The following TERB1 variants were observed in gnomAD, a reference collection of about 807,000 sequenced individuals.
The protein encoded by TERB1 is telomere repeats-binding bouquet formation protein 1.
TERB1 carries 63 observed loss-of-function variants against 92.3 expected under a neutral mutation model. That is an observed-to-expected ratio of 0.68 (90% CI 0.56 to 0.84). The LOEUF is 0.84. Ranked by LOEUF, TERB1 falls within the 40% of genes least tolerant of loss-of-function variation. The pLI is 0.00. For missense variants in TERB1, 709 were observed against 843.7 expected (o/e 0.84, Z 1.98); for synonymous variants, 252 against 283.9 (o/e 0.89, Z 1.13).
intron 16 of TERB1, among the ~76,000 whole-genome samples, chr16:66,765,461 C>CTT (rs887640658): frequency 2.1e-5 from 3 of 144,324 alleles, no homozygotes; most frequent in African/African-American, 5.1e-5. Flanking sequence ...TTCTTTCTTT[C>CTT]TTTTTTTTTT....
In TERB1 at chr16:66,781,519, C is replaced by CTTTTT. The variant is rs34191078; in HGVS notation, c.701-2509_701-2505dup. 8.3e-5 allele frequency among the ~76,000 whole-genome samples: 10 copies of CTTTTT among 121,146 alleles called. 1 individual carries two copies. Among genetic ancestry groups the CTTTTT allele is most frequent in the African/African-American group, 2.5e-4 (8 of 31,636 alleles). 79.5% of individuals were successfully genotyped at this position (121,146 alleles called of 152,430 possible). A position where few individuals can be genotyped will look rare whatever the true frequency, so the allele number is the denominator to read the frequency against. On this transcript the variant is annotated intron_variant, in intron 9 of 18. Coordinates refer to ENST00000433154, the MANE Select transcript of TERB1 (RefSeq NM_001136505.2). ...GTTTACAAGTTTCTGGGTACAAATT[C>CTTTTT]TTTTTTTTTTTTTTTTTTGAGACAG... is the stretch of plus-strand genomic sequence containing the variant.
rs761342700 is a variant in TERB1, at chr16:66,786,269, A to C, written c.417T>G (p.Leu139=). The C allele has an allele frequency of 2.6e-6, 4 of 1,549,254 alleles. No individual in the cohort carries two copies. Among genetic ancestry groups the C allele is most frequent in the Non-Finnish European group, 3.5e-6 (4 of 1,145,796 alleles). The change falls in exon 7 of 19, where the codon CTT becomes CTG. Residue 139 remains leucine, a synonymous_variant. Coordinates refer to ENST00000433154, the MANE Select transcript of TERB1 (RefSeq NM_001136505.2). ...CTGTAATACAACCTGTTTCTCTCAC[A>C]AGTGTTTGTCCGGTCCCTTAAAAAA... ...LVSNNRTGQT[L]VRETGCITVL... is the part of the protein sequence containing the mutation.
intron 18 of TERB1, among the ~76,000 whole-genome samples, chr16:66,756,222 T>G (rs755021195): frequency 9.2e-5 from 14 of 152,242 alleles, no homozygotes; most frequent in Non-Finnish European, 1.9e-4. Flanking sequence ...CTGGGTGCAG[T>G]TGTCCTGGGT....
At chr16:66,778,711 T>C (rs1471752035) in intron 10 of TERB1, among the ~76,000 whole-genome samples, 152 bp downstream of exon 10, 1 of 152,182 alleles carries the variant, frequency 6.6e-6, no homozygotes, top group African/African-American at 2.4e-5. Flanking sequence ...AGCTACTGTG[T>C]CCAGCCATGT....
chr16:66,801,256 G>T (rs958089149), intron 1 of TERB1, among the ~76,000 whole-genome samples: 3 of 152,310 alleles, frequency 2.0e-5, no homozygotes, highest in South Asian at 2.1e-4. Context: ...AAATAGGGGG[G>T]AATACTGCCA....
chr16:66,790,154 C>T (rs2018805457), intron 5 of TERB1, among the ~76,000 whole-genome samples: 1 of 151,968 alleles, frequency 6.6e-6, no homozygotes, highest in Non-Finnish European at 1.5e-5. Context: ...CATATTTACC[C>T]ACACATGACA....
rs1567478188 is a variant in TERB1, at chr16:66,790,738, G to C, written c.143-15C>G. 6.5e-7 allele frequency: 1 copy of C among 1,537,808 alleles called. No homozygotes were observed. On this transcript the variant is annotated splice_polypyrimidine_tract_variant and intron_variant, in intron 4 of 18. Transcript: ENST00000433154. Reference sequence around the variant, plus strand: ...ACTTGCATTACCTGTAGGATGTGCAGAAAAAAAACAAAATAGAAATGATAT... The same window carrying C: ...ACTTGCATTACCTGTAGGATGTGCACAAAAAAAACAAAATAGAAATGATAT...
chr16:66,790,859 G>C, intron 4 of TERB1, 50 bp downstream of exon 4: 1 of 1,403,134 alleles, frequency 7.1e-7, no homozygotes, highest in Non-Finnish European at 9.8e-7. Context: ...TGATATATCA[G>C]AGTACTAAAG....
intron 16 of TERB1, among the ~76,000 whole-genome samples, chr16:66,759,521 C>T (rs999728668): frequency 2.0e-5 from 3 of 152,028 alleles, no homozygotes; most frequent in South Asian, 2.1e-4. Context: ...GCATCTAGGC[C>T]GGCCACGGTG....
intron 3 of TERB1, among the ~76,000 whole-genome samples, chr16:66,791,783 A>T (rs965976961): frequency 6.6e-6 from 1 of 152,226 alleles, no homozygotes; most frequent in Non-Finnish European, 1.5e-5. Context: ...CTATGAAAGA[A>T]GTTGAATTAA....
chr16:66,769,108 AAAAAAAGAAAAAG>A (rs1450930431), intron 14 of TERB1, among the ~76,000 whole-genome samples: 1 of 152,030 alleles, frequency 6.6e-6, no homozygotes, highest in African/African-American at 2.4e-5. Context: ...TTTCTCAAAA[AAAAAAAGAAAAAG>A]AAAAAGAAAA....
At chr16:66,770,902 G>A (rs905961739) in intron 13 of TERB1, among the ~76,000 whole-genome samples, 1 of 151,960 alleles carries the variant, frequency 6.6e-6, no homozygotes, top group Non-Finnish European at 1.5e-5. Flanking sequence ...CCACACTGGA[G>A]TGCAGTGGCA....
In TERB1 at chr16:66,770,185, T is replaced by C. The variant is rs1040832580; in HGVS notation, c.1397A>G (p.Lys466Arg). 5.2e-6 allele frequency: 8 copies of C among 1,552,244 alleles called. No homozygotes were observed. Among genetic ancestry groups the C allele is most frequent in the African/African-American group, 1.4e-5 (1 of 73,046 alleles). ...GRGSKAEDEDKSHSRQLQSYK... is the reference protein window; with the variant it reads ...GRGSKAEDEDRSHSRQLQSYK... ...ACTCTGTAACTGTCTAGAATGGCTT[T>C]TATCCTCATCTTCTGCTTTGCTACC... The change falls in exon 14 of 19, where the codon AAA becomes AGA. Residue 466 changes from lysine (K) to arginine (R), a missense_variant. Lys to Arg is a conservative substitution (Grantham distance 26). Transcript: ENST00000433154.
At chr16:66,756,163 GAGA>G (rs1231968905) in intron 18 of TERB1, among the ~76,000 whole-genome samples, 2 of 152,168 alleles carry the variant, frequency 1.3e-5, no homozygotes, top group South Asian at 2.1e-4. Context: ...TGCTGGTGAG[GAGA>G]AGTTTTCTGT....
At chr16:66,797,884 G>A (rs1354499443) in intron 2 of TERB1, among the ~76,000 whole-genome samples, 2 of 151,830 alleles carry the variant, frequency 1.3e-5, no homozygotes, top group Non-Finnish European at 2.9e-5. Context: ...ACTCTGATAT[G>A]GCCTCTCACA....
chr16:66,771,389 T>A (rs961798025), intron 13 of TERB1, among the ~76,000 whole-genome samples: 1 of 152,198 alleles, frequency 6.6e-6, no homozygotes, highest in Non-Finnish European at 1.5e-5. Context: ...GTATCTTTCA[T>A]AACAAAAACT....
intron 18 of TERB1, among the ~76,000 whole-genome samples, chr16:66,757,182 A>T (rs1428656004): frequency 6.6e-6 from 1 of 152,176 alleles, no homozygotes; most frequent in Non-Finnish European, 1.5e-5. Flanking sequence ...TCCTTTCTAA[A>T]TTCTAAAAAG....
chr16:66,764,796 T>A (rs2018310788), intron 16 of TERB1, among the ~76,000 whole-genome samples: 1 of 152,190 alleles, frequency 6.6e-6, no homozygotes, highest in Admixed American at 6.5e-5. Context: ...TGCAGTGAGT[T>A]GGGAGGCCAA....
chr16:66,771,658 C>T (rs897223137), intron 13 of TERB1, among the ~76,000 whole-genome samples: 11 of 150,600 alleles, frequency 7.3e-5, no homozygotes, highest in Non-Finnish European at 1.5e-4. Context: ...CACACACACA[C>T]ACACACACAC....
Sources: allele counts gnomAD v4.1 joint callset (sites outside exome capture counted in the v4.1 genomes callset), GRCh38; gene constraint gnomAD v4.1.1; transcripts MANE v1.5; gene names NCBI Gene and HGNC (gene_info 2026-07-23, HGNC 2026-07-21).